Variants in KBTBD2 observed in about 807,000 individuals in gnomAD.
KBTBD2 encodes kelch repeat and BTB domain containing 2, also known as kelch repeat and BTB domain-containing protein 2.
Under a neutral mutation model 57.1 loss-of-function variants are expected in KBTBD2, and 17 were observed. The ratio of observed to expected loss-of-function variants is 0.30; its 90% confidence interval spans 0.20 to 0.45. KBTBD2 has a LOEUF of 0.45. KBTBD2 is among the 20% of genes least tolerant of loss of function. The probability of loss-of-function intolerance (pLI) is 1.00; values close to 1 mark genes in which losing one functional copy is unlikely to be tolerated. For missense variants in KBTBD2, 515 were observed against 750.6 expected, an observed-to-expected ratio of 0.69 and a Z score of 3.67; for synonymous variants, 267 against 262.7, an observed-to-expected ratio of 1.02 and a Z score of -0.16.
intron 1 of KBTBD2, chr7:32,891,049 TC>T (rs937695366): frequency 2.0e-5 from 3 of 152,290 alleles, no homozygotes; most frequent in African/African-American, 4.8e-5. Flanking sequence ...GGAGCTCTGT[TC>T]GTCTAGACCT....
chr7:32,879,097 C>G (rs1283778503), intron 2 of KBTBD2, among the ~76,000 whole-genome samples: 1 of 152,150 alleles, frequency 6.6e-6, no homozygotes, highest in East Asian at 1.9e-4. Flanking sequence ...AGTTTAAAAA[C>G]AGAGATCACT....
chr7:32,888,528 G>A (rs1784639249), intron 1 of KBTBD2, among the ~76,000 whole-genome samples: 1 of 151,074 alleles, frequency 6.6e-6, no homozygotes, highest in African/African-American at 2.4e-5. Context: ...CTGGAGTTGT[G>A]ACAGGCATCA....
chr7:32,885,048 T>C (rs1784543857), intron 1 of KBTBD2, among the ~76,000 whole-genome samples: 1 of 141,664 alleles, frequency 7.1e-6, no homozygotes, highest in African/African-American at 2.8e-5. Flanking sequence ...AAATTTTAAT[T>C]TTTTTTTTTA....
At position 32,870,791 on chromosome 7, in the gene KBTBD2, G is replaced by C. The variant is rs748058606; in HGVS notation, c.426C>G (p.Leu142=). ...TCTGTTTTAATTCCTCACAACTGAA[G>C]AGATCAGCAAAACTCAACAATCGTA... ...NCVRLLSFAD[L]FSCEELKQSA... is the part of the protein sequence containing the mutation. The change falls in exon 4 of 4, where the codon CTC becomes CTG. Residue 142 remains leucine, a synonymous_variant. Coordinates refer to ENST00000304056, the MANE Select transcript of KBTBD2 (RefSeq NM_015483.3). 2.5e-6 allele frequency: 4 copies of C among 1,613,406 alleles called. No homozygotes were observed. Among genetic ancestry groups the C allele is most frequent in the African/African-American group, 2.7e-5 (2 of 74,826 alleles).
rs901924597 is a variant in KBTBD2, at chr7:32,870,608, C to T, written c.609G>A (p.Glu203=). The change falls in exon 4 of 4, where the codon GAG becomes GAA. Residue 203 remains glutamate (E), a synonymous_variant. Coordinates refer to ENST00000304056, the MANE Select transcript of KBTBD2 (RefSeq NM_015483.3). ...TVREAAMLWL[E]YNTESRSQYL... is the part of the protein sequence containing the mutation. ...ACTGGGATCGTGATTCTGTGTTATA[C>T]TCTAGCCACAGCATAGCAGCTTCTC... 1.4e-5 allele frequency: 23 copies of T among 1,614,030 alleles called. No individual in the cohort carries two copies. The highest frequency in any genetic ancestry group is 2.2e-5 in the East Asian group (1 of 44,888).
intron 1 of KBTBD2, among the ~76,000 whole-genome samples, chr7:32,890,221 A>G (rs561133201): frequency 1.2e-4 from 18 of 152,336 alleles, no homozygotes; most frequent in Admixed American, 2.6e-4. Flanking sequence ...TGAGGATTCC[A>G]GGCCCCAACC....
intron 1 of KBTBD2, among the ~76,000 whole-genome samples, chr7:32,887,465 A>C (rs192418591): frequency 1.3e-4 from 20 of 152,376 alleles, no homozygotes; most frequent in African/African-American, 4.8e-4. Context: ...CAATGTGTAC[A>C]TAGATTGAAA....
chr7:32,889,399 G>C (rs1246811676), intron 1 of KBTBD2, among the ~76,000 whole-genome samples: 1 of 152,004 alleles, frequency 6.6e-6, no homozygotes, highest in Non-Finnish European at 1.5e-5. Context: ...TCAGGAGCTC[G>C]AGACCAGCCT....
intron 3 of KBTBD2, among the ~76,000 whole-genome samples, chr7:32,874,315 G>A (rs1316197463): frequency 6.6e-6 from 1 of 151,886 alleles, no homozygotes; most frequent in Non-Finnish European, 1.5e-5. Context: ...CAGGAGAATG[G>A]CATGAACCCA....
rs1784074420 is a variant in KBTBD2 at position 32,868,296 on chromosome 7, C to T, written c.*1049G>A. 1 of 152,564 alleles carries T rather than the reference C, an allele frequency of 6.6e-6. No homozygotes were observed. The highest frequency in any genetic ancestry group is 2.1e-4 in the South Asian group (1 of 4,824). The allele number at this position is 152,564 out of a possible 1,614,324, so 9.5% of individuals were successfully genotyped here. Reference sequence around the variant, plus strand: ...CTGTGCTCATGTTAGATTGGCGGCGCCCCACTACTGCTAGTGGTTCCTGGG... The same window carrying T: ...CTGTGCTCATGTTAGATTGGCGGCGTCCCACTACTGCTAGTGGTTCCTGGG... On this transcript the variant is annotated 3_prime_UTR_variant, in exon 4 of 4. Coordinates refer to ENST00000304056, the MANE Select transcript of KBTBD2 (RefSeq NM_015483.3).
intron 1 of KBTBD2, among the ~76,000 whole-genome samples, chr7:32,885,430 C>T (rs6976559): frequency 0.98 from 146,591 of 148,890 alleles, 72,204 homozygotes; most frequent in East Asian, 1. Context: ...CGTGGACTTC[C>T]GAAACATGTT....
In KBTBD2 at chr7:32,870,380, A is replaced by G. The variant is rs1784145472; in HGVS notation, c.837T>C (p.Pro279=). The change falls in exon 4 of 4, where the codon CCT becomes CCC. Residue 279 remains proline (P), a synonymous_variant. Transcript: ENST00000304056. The stretch of plus-strand genomic sequence containing the variant: ...AACAGACAGAAGAGTAAAGACTACA[A>G]GGATTTTCTGAAGATGCTTCAATGA... ...MIFIEASSEN[P]CSLYSSVCYS... 1.2e-6 allele frequency: 2 copies of G among 1,613,602 alleles called. No individual in the cohort carries two copies. The highest frequency in any genetic ancestry group is 1.7e-6 in the Non-Finnish European group (2 of 1,179,818).
At chr7:32,890,756 G>T (rs561057245) in intron 1 of KBTBD2, among the ~76,000 whole-genome samples, 1 of 152,062 alleles carries the variant, frequency 6.6e-6, no homozygotes, top group Non-Finnish European at 1.5e-5. Flanking sequence ...ATTTTCACTG[G>T]AAGGGGTCAC....
At chr7:32,890,642 G>C (rs749760338) in intron 1 of KBTBD2, among the ~76,000 whole-genome samples, 2 of 152,146 alleles carry the variant, frequency 1.3e-5, no homozygotes, top group Non-Finnish European at 2.9e-5. Flanking sequence ...TAAACAACAC[G>C]TGACCAGTCC....
At chr7:32,875,730 TAATA>T (rs1784296987) in intron 2 of KBTBD2, among the ~76,000 whole-genome samples, 1 of 152,178 alleles carries the variant, frequency 6.6e-6, no homozygotes, top group African/African-American at 2.4e-5. Context: ...AACTAAGTAT[TAATA>T]TATACTTTAA....
At chr7:32,889,376 G>T (rs1784671169) in intron 1 of KBTBD2, among the ~76,000 whole-genome samples, 1 of 152,104 alleles carries the variant, frequency 6.6e-6, no homozygotes, top group South Asian at 2.1e-4. Context: ...GCCGAGGTGA[G>T]GGGATCACGA....
chr7:32,887,211 A>C (rs564769195), intron 1 of KBTBD2, among the ~76,000 whole-genome samples: 27 of 152,364 alleles, frequency 1.8e-4, no homozygotes, highest in African/African-American at 6.3e-4. Flanking sequence ...AAAAGGAAGA[A>C]AGGATAAAAA....
chr7:32,884,149 A>G (rs1784510096), intron 1 of KBTBD2, among the ~76,000 whole-genome samples: 1 of 152,196 alleles, frequency 6.6e-6, no homozygotes, highest in Non-Finnish European at 1.5e-5. Context: ...GAGGAAGGAA[A>G]AACTTATTGA....
chr7:32,870,669 C>T lies in KBTBD2; in HGVS notation c.548G>A (p.Ser183Asn), dbSNP rs768708849. 1.2e-6 allele frequency: 2 copies of T among 1,614,110 alleles called. No homozygotes were observed. The highest frequency in any genetic ancestry group is 1.7e-6 in the Non-Finnish European group (2 of 1,180,010). The change falls in exon 4 of 4, where the codon AGT (serine) becomes AAT (asparagine). Residue 183 changes from serine to asparagine, a missense_variant. Coordinates refer to ENST00000304056, the MANE Select transcript of KBTBD2 (RefSeq NM_015483.3). Reference sequence around the variant, plus strand: ...TTCCTTTTCTACATTTAAATTGTCACTACTGAGAATATCTATCAGTAGGTC... The same window carrying T: ...TTCCTTTTCTACATTTAAATTGTCATTACTGAGAATATCTATCAGTAGGTC... ...SHDLLIDILS[S>N]DNLNVEKEET...
Sources: gnomAD v4.1 joint callset for allele counts (sites outside exome capture counted in the v4.1 genomes callset) on GRCh38, gnomAD v4.1.1 for gene constraint, MANE v1.5 for transcripts, NCBI Gene and HGNC (gene_info 2026-07-23, HGNC 2026-07-21) for gene names.